The following RC3H1 variants were observed in gnomAD, a reference collection of about 807,000 sequenced individuals.
The protein encoded by RC3H1 is roquin-1.
RC3H1 carries 50 observed loss-of-function variants against 138.2 expected under a neutral mutation model. The observed-to-expected ratio is 0.36, with a 90% CI of 0.29 to 0.46. RC3H1 has a LOEUF of 0.46. Among genes scored for constraint, RC3H1 ranks in the 20% least tolerant of loss-of-function variants. RC3H1 has a pLI of 1.00. For missense variants in RC3H1, 1,031 were observed against 1,388.1 expected (o/e 0.74, Z 4.09); for synonymous variants, 462 against 489.1 (o/e 0.94, Z 0.73).
At chr1:173,941,719 G>C (rs1204534007) in intron 18 of RC3H1, among the ~76,000 whole-genome samples, 3 of 152,196 alleles carry the variant, frequency 2.0e-5, no homozygotes, top group African/African-American at 4.8e-5. Context: ...GTGGACTGCT[G>C]AGGTCAGTTT....
chr1:174,017,830 C>T (rs1235102441), intron 1 of RC3H1, among the ~76,000 whole-genome samples: 5 of 130,728 alleles, frequency 3.8e-5, no homozygotes, highest in African/African-American at 9.8e-5. Flanking sequence ...TGTTCAAATG[C>T]TATTTAGATC....
At chr1:173,991,354 A>G (rs1185149898) in intron 2 of RC3H1, among the ~76,000 whole-genome samples, 1 of 152,226 alleles carries the variant, frequency 6.6e-6, no homozygotes, top group African/African-American at 2.4e-5. Flanking sequence ...TTTGTTTCTA[A>G]TAGCTTTTCC....
chr1:173,964,712 C>T (rs1196040970), intron 10 of RC3H1, 127 bp downstream of exon 10: 6 of 921,770 alleles, frequency 6.5e-6, no homozygotes, highest in Non-Finnish European at 8.0e-6. Context: ...AATAAAAAAG[C>T]AACAAAATAA....
In RC3H1 at chr1:173,963,965, A is replaced by G; in HGVS notation, c.1831+8T>C. On this transcript the variant is annotated splice_region_variant and intron_variant, in intron 11 of 19. Transcript: ENST00000367696. ...GAAAAGTTAGCAATATAAATTTAAAATCGTTACCCTGCTGATAAGGTGCTG... is the reference window on the plus strand; with the variant it reads ...GAAAAGTTAGCAATATAAATTTAAAGTCGTTACCCTGCTGATAAGGTGCTG... The G allele has an allele frequency of 1.2e-6, 2 of 1,612,290 alleles. No individual in the cohort carries two copies. The highest frequency in any genetic ancestry group is 2.2e-5 in the East Asian group (1 of 44,892).
rs1160266237 is a variant in RC3H1, at chr1:173,990,842, T to C, written c.231+1913A>G. 1.3e-5 allele frequency among the ~76,000 whole-genome samples: 2 copies of C among 152,028 alleles called. 1 individual carries two copies. Among genetic ancestry groups the C allele is most frequent in the Non-Finnish European group, 2.9e-5 (2 of 67,998 alleles). The stretch of plus-strand genomic sequence containing the variant: ...TGGTCTTGATCTCCTGACCTCGTGA[T>C]CCACCCGCCTCGGCCTCCCAAAGTG... On this transcript the variant is annotated intron_variant, in intron 2 of 19. Coordinates refer to ENST00000367696, the MANE Select transcript of RC3H1 (RefSeq NM_172071.4).
chr1:173,996,559 G>A (rs1004199602), intron 1 of RC3H1, among the ~76,000 whole-genome samples: 2 of 152,128 alleles, frequency 1.3e-5, no homozygotes, highest in Non-Finnish European at 2.9e-5. Context: ...GCTGGAACCA[G>A]TTCCTCACAG....
intron 2 of RC3H1, among the ~76,000 whole-genome samples, chr1:173,989,202 T>TTTG (rs765878687): frequency 1.3e-5 from 2 of 151,410 alleles, no homozygotes; most frequent in East Asian, 3.9e-4. Context: ...CCAGCAATTT[T>TTTG]TTGTTGTTGT....
chr1:173,995,635 G>A (rs1473577868), intron 1 of RC3H1, among the ~76,000 whole-genome samples: 3 of 152,064 alleles, frequency 2.0e-5, no homozygotes, highest in African/African-American at 7.2e-5. Context: ...ATGAAGAGTA[G>A]TGTAAAGCCA....
chr1:173,978,154 G>GA (rs1239975374), intron 7 of RC3H1, among the ~76,000 whole-genome samples: 1 of 151,856 alleles, frequency 6.6e-6, no homozygotes, highest in Admixed American at 6.6e-5. Context: ...ACATAATACA[G>GA]AAAAAAATGA....
intron 1 of RC3H1, among the ~76,000 whole-genome samples, chr1:173,995,555 GAAAA>G (rs1287247932): frequency 6.7e-6 from 1 of 150,262 alleles, no homozygotes; most frequent in Non-Finnish European, 1.5e-5. Context: ...AAAAGAAAAA[GAAAA>G]AAAGAATTAG....
chr1:173,964,272 TG>T lies in RC3H1; in HGVS notation c.1617-86del. Reference sequence around the variant, plus strand: ...ACAAGTAAAAAAGATTGCTACAATTTGGGAAACTCACTTATTCTAATAGTCC... The same window carrying T: ...ACAAGTAAAAAAGATTGCTACAATTTGGAAACTCACTTATTCTAATAGTCC... On this transcript the variant is annotated intron_variant, in intron 10 of 19. Coordinates refer to ENST00000367696, the MANE Select transcript of RC3H1 (RefSeq NM_172071.4). 5.2e-6 allele frequency: 6 copies of T among 1,144,704 alleles called. No homozygotes were observed. The South Asian group carries it at 6.8e-5, about 13-fold the overall frequency. 70.9% of individuals were successfully genotyped at this position (1,144,704 alleles called of 1,614,324 possible).
chr1:174,019,559 A>G (rs1001073878), intron 1 of RC3H1, among the ~76,000 whole-genome samples: 38 of 152,208 alleles, frequency 2.5e-4, no homozygotes, highest in African/African-American at 8.9e-4. Context: ...CATTCAACAA[A>G]TATGTTCTGA....
rs527539807 is a variant in RC3H1 at position 174,012,641 on chromosome 1, G to A, written c.-151+9455C>T. 5.3e-5 allele frequency among the ~76,000 whole-genome samples: 8 copies of A among 151,990 alleles called. No homozygotes were observed. In the South Asian group the frequency reaches 8.3e-4, roughly 16 times the overall value. On this transcript the variant is annotated intron_variant, in intron 1 of 19. Transcript: ENST00000367696. ...TACTAAAACTACAAAAAAATTAGCC[G>A]GGTGTGGTGGCGGGCGCCTGTAGTC...
chr1:173,965,141 C>T, intron 9 of RC3H1, 21 bp from the exon 10 acceptor site: 6 of 1,572,866 alleles, frequency 3.8e-6, no homozygotes, highest in Non-Finnish European at 5.2e-6. Context: ...AGCATAGGCA[C>T]ATATCAAAAA....
At position 173,977,287 on chromosome 1, in the gene RC3H1, T is replaced by C. The variant is rs114948867; in HGVS notation, c.1102+1201A>G. ...TTGGAGGAACTCATAGTAGAGGAACTTGGAAGACATTCAGTCTCAGGAAAA... is the reference window on the plus strand; with the variant it reads ...TTGGAGGAACTCATAGTAGAGGAACCTGGAAGACATTCAGTCTCAGGAAAA... On this transcript the variant is annotated intron_variant, in intron 7 of 19. Transcript: ENST00000367696. Among the ~76,000 whole-genome samples the C allele has an allele frequency of 5.6e-3, 849 of 152,196 alleles. 15 individuals are homozygous for C. Among genetic ancestry groups the C allele is most frequent in the African/African-American group, 0.02 (816 of 41,494 alleles).
At chr1:173,971,005 G>A (rs114853725) in intron 8 of RC3H1, among the ~76,000 whole-genome samples, 2,091 of 142,544 alleles carry the variant, frequency 0.015, 55 homozygotes, top group African/African-American at 0.052. Flanking sequence ...TCTGTTGCCC[G>A]GGCTGGAGGG....
chr1:174,013,815 C>G (rs763066779), intron 1 of RC3H1, among the ~76,000 whole-genome samples: 13 of 152,098 alleles, frequency 8.5e-5, no homozygotes, highest in Middle Eastern at 3.4e-3. Context: ...CAGTGGCTCA[C>G]GCCTATAATC....
At position 173,964,955 on chromosome 1, in the gene RC3H1, T is replaced by G; in HGVS notation, c.1500A>C (p.Thr500=). ...GAATAAGCTGTGTTACTGTATTCCC[T>G]GTTGATACAATTCCATTTGGCAGAG... ...PPALPNGIVS[T]GNTVTQLIPR... Residue 500 remains threonine, a synonymous_variant, in exon 10 of 20, where the codon ACA becomes ACC. Coordinates refer to ENST00000367696, the MANE Select transcript of RC3H1 (RefSeq NM_172071.4). 1.9e-6 allele frequency: 3 copies of G among 1,614,162 alleles called. No individual in the cohort carries two copies. The highest frequency in any genetic ancestry group is 2.5e-6 in the Non-Finnish European group (3 of 1,180,032).
intron 1 of RC3H1, among the ~76,000 whole-genome samples, chr1:174,001,708 G>A (rs1304187525): frequency 1.3e-5 from 2 of 152,136 alleles, no homozygotes; most frequent in Non-Finnish European, 1.5e-5. Context: ...GGATTATATA[G>A]GCATGAGCCA....
Sources: gnomAD v4.1 joint callset for allele counts (sites outside exome capture counted in the v4.1 genomes callset) on GRCh38, gnomAD v4.1.1 for gene constraint, MANE v1.5 for transcripts, NCBI Gene and HGNC (gene_info 2026-07-23, HGNC 2026-07-21) for gene names.